The following EPN2 variants were observed in gnomAD, a reference collection of about 807,000 sequenced individuals.
The protein encoded by EPN2 is epsin 2, also known as epsin-2.
EPN2 carries 34 observed loss-of-function variants against 61.7 expected under a neutral mutation model. The ratio of observed to expected loss-of-function variants is 0.55; its 90% CI spans 0.42 to 0.73. The LOEUF (loss-of-function observed/expected upper bound fraction) is 0.73. EPN2 is among the 30% of genes least tolerant of loss of function. The pLI, the probability that EPN2 is intolerant of heterozygous loss-of-function variation, is 0.00. For missense variants in EPN2, 714 were observed against 839.2 expected, an observed-to-expected ratio of 0.85 and a Z score of 1.84; for synonymous variants, 349 against 353.6, an observed-to-expected ratio of 0.99 and a Z score of 0.15.
In EPN2 at chr17:19,260,902, T is replaced by C. The variant is rs182842118; in HGVS notation, c.-293-21053T>C. 1.8e-3 allele frequency among the ~76,000 whole-genome samples: 277 copies of C among 152,334 alleles called. 1 individual carries two copies. Among genetic ancestry groups the C allele is most frequent in the African/African-American group, 6.2e-3 (257 of 41,566 alleles). ...GTACTGTTCTTCATCTTGTGCTTTTTTTAACTTATTGTAGAGATTTTTCCA... is the reference window on the plus strand; with the variant it reads ...GTACTGTTCTTCATCTTGTGCTTTTCTTAACTTATTGTAGAGATTTTTCCA... On this transcript the variant is annotated intron_variant, in intron 1 of 10. Coordinates refer to ENST00000314728, the MANE Select transcript of EPN2 (RefSeq NM_014964.5).
At chr17:19,266,377 T>C (rs1368450784) in intron 1 of EPN2, among the ~76,000 whole-genome samples, 1 of 151,974 alleles carries the variant, frequency 6.6e-6, no homozygotes, top group Non-Finnish European at 1.5e-5. Flanking sequence ...ACCCCATAGA[T>C]GTCCATCTCA....
intron 4 of EPN2, chr17:19,307,947 A>G: frequency 1.0e-6 from 1 of 985,374 alleles, no homozygotes; most frequent in Non-Finnish European, 1.2e-6. Context: ...CTCAAAGAGG[A>G]AAACCCTAAG....
At position 19,293,429 on chromosome 17, in the gene EPN2, G is replaced by T. The variant is rs148670692; in HGVS notation, c.766+7639G>T. Among the ~76,000 whole-genome samples the T allele has an allele frequency of 6.5e-3, 979 of 151,360 alleles. 53 individuals carry two copies. The East Asian group carries it at 0.12, about 18-fold the overall frequency. On this transcript the variant is annotated intron_variant, in intron 4 of 10. Transcript: ENST00000314728. ...CTGTTGCTCAGGCTGGAGTGCAGTG[G>T]TGTGATTGTGGCTCACTGCAGCCTC...
At chr17:19,279,665 G>C (rs1241261272) in intron 1 of EPN2, among the ~76,000 whole-genome samples, 2 of 151,650 alleles carry the variant, frequency 1.3e-5, no homozygotes, top group Non-Finnish European at 2.9e-5. Context: ...TTGATCTCCT[G>C]ACCTTGTGAT....
chr17:19,308,360 C>G, intron 4 of EPN2: 1 of 984,986 alleles, frequency 1.0e-6, no homozygotes, highest in Non-Finnish European at 1.2e-6. Context: ...AGGCATAAGC[C>G]GCCATGCCCG....
At chr17:19,327,525 A>T (rs1442219426) in intron 7 of EPN2, among the ~76,000 whole-genome samples, 1 of 152,048 alleles carries the variant, frequency 6.6e-6, no homozygotes, top group Non-Finnish European at 1.5e-5. Context: ...TAGAAAAAAA[A>T]TTAGCCGGGC....
Position 19,283,483 on chromosome 17 carries a change from A to G in EPN2, c.364A>G (p.Asn122Asp). Residue 122 changes from asparagine to aspartate, a missense_variant, in exon 3 of 11, where the codon AAT becomes GAT. Transcript: ENST00000314728. The surrounding 1 kb of genome is among the most constrained non-coding windows in gnomAD (Gnocchi z 7.0). ...CCGAGATGGCAAGGACCAGGGCATCAATGTGCGTGAGAAGTCAAAGCAACT... is the reference window on the plus strand; with the variant it reads ...CCGAGATGGCAAGGACCAGGGCATCGATGTGCGTGAGAAGTCAAAGCAACT... ...IDRDGKDQGINVREKSKQLVA... is the reference protein window; with the variant it reads ...IDRDGKDQGIDVREKSKQLVA... 2 of 1,614,218 alleles carry G rather than the reference A, an allele frequency of 1.2e-6. No homozygotes were observed. The highest frequency in any genetic ancestry group is 1.3e-5 in the African/African-American group (1 of 75,058).
chr17:19,249,550 G>A (rs56280966), intron 1 of EPN2: 3 of 152,204 alleles, frequency 2.0e-5, no homozygotes. Flanking sequence ...CGTTAACTTG[G>A]GGTGAATGTC....
At chr17:19,241,359 C>T (rs1296230250) in intron 1 of EPN2, among the ~76,000 whole-genome samples, 5 of 152,052 alleles carry the variant, frequency 3.3e-5, no homozygotes, top group Admixed American at 2.6e-4. Flanking sequence ...CCAAAGCGGC[C>T]GGATCACCCT....
At chr17:19,245,732 G>A (rs1295782064) in intron 1 of EPN2, among the ~76,000 whole-genome samples, 1 of 149,926 alleles carries the variant, frequency 6.7e-6, no homozygotes, top group Non-Finnish European at 1.5e-5. Context: ...GCGCGATCTC[G>A]GCTCACTGCA....
At chr17:19,295,371 CGT>C (rs1163169459) in intron 4 of EPN2, among the ~76,000 whole-genome samples, 21,257 of 147,826 alleles carry the variant, frequency 0.14, 2,962 homozygotes, top group African/African-American at 0.36. Flanking sequence ...CACACACGCG[CGT>C]GCGCGCAAAA....
intron 1 of EPN2, among the ~76,000 whole-genome samples, chr17:19,268,984 A>G (rs1251799156): frequency 6.6e-6 from 1 of 152,196 alleles, no homozygotes; most frequent in Non-Finnish European, 1.5e-5. Context: ...TTAGAGGTCA[A>G]GGAGGTGGGG....
At chr17:19,297,935 G>A (rs568926555) in intron 4 of EPN2, among the ~76,000 whole-genome samples, 7 of 152,278 alleles carry the variant, frequency 4.6e-5, no homozygotes, top group Admixed American at 2.6e-4. Context: ...GTCACCCAGT[G>A]GCACGATCTC....
intron 4 of EPN2, among the ~76,000 whole-genome samples, chr17:19,288,816 C>G (rs187679783): frequency 1.7e-4 from 26 of 152,336 alleles, no homozygotes; most frequent in Middle Eastern, 6.8e-3. Context: ...GAAACACTTT[C>G]ACTGTGCTTA....
At chr17:19,302,505 G>A (rs1009859826) in intron 4 of EPN2, among the ~76,000 whole-genome samples, 2 of 152,284 alleles carry the variant, frequency 1.3e-5, no homozygotes, top group East Asian at 3.9e-4. Flanking sequence ...CACATGTGAG[G>A]GATCTAGGTT....
intron 1 of EPN2, among the ~76,000 whole-genome samples, chr17:19,265,645 GCTCT>G (rs370986218): frequency 6.6e-6 from 1 of 151,628 alleles, no homozygotes; most frequent in African/African-American, 2.4e-5. Flanking sequence ...ATCTTCCTCT[GCTCT>G]CTCTCTCTCC....
chr17:19,311,877 C>T (rs572536067), intron 5 of EPN2, among the ~76,000 whole-genome samples, 175 bp from the exon 6 acceptor site: 4 of 152,224 alleles, frequency 2.6e-5, no homozygotes, highest in Non-Finnish European at 5.9e-5. Context: ...GAGGGAGGGG[C>T]CTTCTGGGTA....
intron 4 of EPN2, among the ~76,000 whole-genome samples, chr17:19,308,785 A>G (rs899158454): frequency 6.6e-6 from 1 of 152,226 alleles, no homozygotes; most frequent in Non-Finnish European, 1.5e-5. Context: ...TTCTAAAACT[A>G]CAATAATTTC....
At chr17:19,328,120 C>T (rs1906978521) in intron 7 of EPN2, among the ~76,000 whole-genome samples, 2 of 152,180 alleles carry the variant, frequency 1.3e-5, no homozygotes, top group African/African-American at 4.8e-5. Context: ...GATTTTGTCA[C>T]TCCCTGTTTG....
Sources: gnomAD v4.1 joint callset for allele counts (sites outside exome capture counted in the v4.1 genomes callset) on GRCh38, gnomAD v4.1.1 for gene constraint, Gnocchi (gnomAD v3.1) non-coding constraint, MANE v1.5 for transcripts, NCBI Gene and HGNC (gene_info 2026-07-23, HGNC 2026-07-21) for gene names.